Variants in ZNRF3 observed in about 807,000 individuals in gnomAD.
ZNRF3 encodes the protein zinc and ring finger 3.
ZNRF3 carries 23 observed loss-of-function variants against 72.5 expected under a neutral mutation model. The ratio of observed to expected loss-of-function variants is 0.32; its 90% CI spans 0.23 to 0.45. The LOEUF is 0.45. ZNRF3 is among the 20% of genes least tolerant of loss of function. The probability of loss-of-function intolerance (pLI) is 1.00; values close to 1 mark genes in which losing one functional copy is unlikely to be tolerated. For missense variants in ZNRF3, 1,169 were observed against 1,272.1 expected, an observed-to-expected ratio of 0.92 and a Z score of 1.23; for synonymous variants, 610 against 545.3, an observed-to-expected ratio of 1.12 and a Z score of -1.65.
In ZNRF3 at chr22:29,049,029, G is replaced by GTCAGCCTCTGCCGCTGCAGC. The variant is rs2037126436; in HGVS notation, c.1016-163_1016-144dup. On this transcript the variant is annotated intron_variant, in intron 7 of 8. Coordinates refer to ENST00000544604, the MANE Select transcript of ZNRF3 (RefSeq NM_001206998.2). The surrounding 1 kb of genome is among the most constrained non-coding windows in gnomAD (Gnocchi z 5.2). ...TGGGCCATTTCACACAGACAGGCAG[G>GTCAGCCTCTGCCGCTGCAGC]TCAGCCTCTGCCGCTGCAGCTCAGT... 6.6e-6 allele frequency among the ~76,000 whole-genome samples: 1 copy of GTCAGCCTCTGCCGCTGCAGC among 152,198 alleles called. No individual in the cohort carries two copies. Among genetic ancestry groups the GTCAGCCTCTGCCGCTGCAGC allele is most frequent in the Admixed American group, 6.5e-5 (1 of 15,282 alleles).
chr22:28,970,476 C>A (rs2035550236), intron 1 of ZNRF3, among the ~76,000 whole-genome samples: 1 of 152,234 alleles, frequency 6.6e-6, no homozygotes, highest in Non-Finnish European at 1.5e-5. Flanking sequence ...GCTCAACATA[C>A]ACCTACCATG....
intron 1 of ZNRF3, among the ~76,000 whole-genome samples, chr22:28,971,134 A>G (rs2035567973): frequency 6.6e-6 from 1 of 152,092 alleles, no homozygotes; most frequent in East Asian, 1.9e-4. Context: ...GGCTGCAGTG[A>G]GCTATGATGG....
intron 1 of ZNRF3, among the ~76,000 whole-genome samples, chr22:28,889,896 C>T (rs1339864762): frequency 6.6e-6 from 1 of 152,168 alleles, no homozygotes; most frequent in Non-Finnish European, 1.5e-5. Flanking sequence ...CACACCTTCC[C>T]TTGTGGACCT....
chr22:28,995,427 CA>C (rs943201113), intron 2 of ZNRF3, among the ~76,000 whole-genome samples: 7 of 146,098 alleles, frequency 4.8e-5, no homozygotes, highest in South Asian at 2.2e-4. Context: ...GAATCCATCT[CA>C]AAAAAAAAAG....
intron 2 of ZNRF3, among the ~76,000 whole-genome samples, chr22:28,996,845 T>C (rs1341651916): frequency 6.6e-6 from 1 of 152,222 alleles, no homozygotes; most frequent in Non-Finnish European, 1.5e-5. Flanking sequence ...CTTACCTGGA[T>C]GGGTCTTTAC....
intron 1 of ZNRF3, among the ~76,000 whole-genome samples, chr22:28,886,825 G>A (rs2033796682): frequency 6.6e-6 from 1 of 151,854 alleles, no homozygotes; most frequent in African/African-American, 2.4e-5. Context: ...GTATGGTGGT[G>A]TGCACCTGTA....
At chr22:28,996,232 C>G (rs1201590251) in intron 2 of ZNRF3, among the ~76,000 whole-genome samples, 1 of 152,214 alleles carries the variant, frequency 6.6e-6, no homozygotes, top group African/African-American at 2.4e-5. Flanking sequence ...AGCCACTGTT[C>G]CCAGCCTGTT....
intron 2 of ZNRF3, chr22:29,026,354 C>T (rs1348139570): frequency 1.3e-5 from 2 of 152,178 alleles, no homozygotes; most frequent in Non-Finnish European, 2.9e-5. Context: ...ACCGTCACCA[C>T]TTATCACAGA....
At chr22:28,956,264 G>C (rs1447920507) in intron 1 of ZNRF3, among the ~76,000 whole-genome samples, 1 of 152,018 alleles carries the variant, frequency 6.6e-6, no homozygotes, top group Admixed American at 6.5e-5. Flanking sequence ...ATAAGGTAGA[G>C]AGGGTGATGG....
intron 1 of ZNRF3, among the ~76,000 whole-genome samples, chr22:28,967,718 G>A (rs371623476): frequency 2.2e-4 from 34 of 151,886 alleles, no homozygotes; most frequent in Non-Finnish European, 2.5e-4. Context: ...CTTGAGCCCA[G>A]GAGTTCAAGA....
chr22:28,885,365 G>A (rs1015658794), intron 1 of ZNRF3, among the ~76,000 whole-genome samples: 8 of 152,116 alleles, frequency 5.3e-5, no homozygotes, highest in African/African-American at 1.9e-4. Context: ...GAAAACTTCT[G>A]TAGGGTAAAT....
Position 29,048,439 on chromosome 22 carries a change from C to A in ZNRF3, c.963C>A (p.Asp321Glu). 1 of 1,614,160 alleles carries A rather than the reference C, an allele frequency of 6.2e-7. No individual in the cohort carries two copies. Among genetic ancestry groups the A allele is most frequent in the South Asian group, 1.1e-5 (1 of 91,080 alleles). ...ACCGGTTTCACAGGAAGTGCGTGGA[C>A]CCCTGGCTGCTGCAGCACCACACCT... ...CTHRFHRKCV[D>E]PWLLQHHTCP... The change falls in exon 7 of 9, where the codon GAC becomes GAA. Residue 321 changes from aspartate (D) to glutamate (E), a missense_variant. Transcript: ENST00000544604. This position sits in a 1 kb window ranked among gnomAD's most constrained non-coding sequence, Gnocchi z 4.9.
At chr22:28,960,112 C>G (rs1282945527) in intron 1 of ZNRF3, among the ~76,000 whole-genome samples, 1 of 152,170 alleles carries the variant, frequency 6.6e-6, no homozygotes, top group Non-Finnish European at 1.5e-5. Flanking sequence ...CTGGGCAAGT[C>G]ATTTTCAAGG....
intron 1 of ZNRF3, among the ~76,000 whole-genome samples, chr22:28,896,014 G>A (rs1353725068): frequency 2.0e-5 from 3 of 152,152 alleles, no homozygotes; most frequent in African/African-American, 7.2e-5. Context: ...GCAGTGGAGT[G>A]ATCTTGGCTC....
At chr22:28,926,408 C>T (rs1000254152) in intron 1 of ZNRF3, among the ~76,000 whole-genome samples, 1 of 151,278 alleles carries the variant, frequency 6.6e-6, no homozygotes, top group Non-Finnish European at 1.5e-5. Context: ...ACCTCGAACT[C>T]CTGGGGTCAA....
At chr22:28,907,378 G>T (rs2034230251) in intron 1 of ZNRF3, among the ~76,000 whole-genome samples, 1 of 152,106 alleles carries the variant, frequency 6.6e-6, no homozygotes, top group South Asian at 2.1e-4. Context: ...ATGGCCTTGT[G>T]CTGTCCTTCA....
At chr22:28,952,239 T>C (rs2035176372) in intron 1 of ZNRF3, among the ~76,000 whole-genome samples, 1 of 152,180 alleles carries the variant, frequency 6.6e-6, no homozygotes, top group South Asian at 2.1e-4. Flanking sequence ...TGTACTTGCA[T>C]TGGAGGTTGA....
intron 1 of ZNRF3, among the ~76,000 whole-genome samples, chr22:28,924,386 T>G (rs1283235775): frequency 8.5e-5 from 13 of 152,210 alleles, no homozygotes; most frequent in Non-Finnish European, 4.4e-5. Flanking sequence ...ATACTGAAAG[T>G]GCTTTCCTCT....
chr22:29,002,932 C>T (rs2036175234), intron 2 of ZNRF3, among the ~76,000 whole-genome samples: 1 of 152,158 alleles, frequency 6.6e-6, no homozygotes, highest in African/African-American at 2.4e-5. Flanking sequence ...GACCATTTCC[C>T]ATGTTCTTTT....
Sources: gnomAD v4.1 joint callset for allele counts (sites outside exome capture counted in the v4.1 genomes callset) on GRCh38, gnomAD v4.1.1 for gene constraint, Gnocchi (gnomAD v3.1) non-coding constraint, MANE v1.5 for transcripts, NCBI Gene and HGNC (gene_info 2026-07-23, HGNC 2026-07-21) for gene names.